CCDC158: variants seen among roughly 807,000 people sequenced by gnomAD.
CCDC158 encodes the protein coiled-coil domain-containing protein 158.
Under a neutral mutation model 138.6 loss-of-function variants are expected in CCDC158, and 116 were observed. The ratio of observed to expected loss-of-function variants is 0.84; its 90% CI spans 0.72 to 0.98. The LOEUF (loss-of-function observed/expected upper bound fraction) is 0.98, where lower values mean the gene tolerates loss of function less well. Among genes scored for constraint, CCDC158 ranks in the 50% least tolerant of loss-of-function variants. The probability of loss-of-function intolerance (pLI) is 0.00; values close to 1 mark genes in which losing one functional copy is unlikely to be tolerated. For synonymous variants in CCDC158, 436 were observed against 442.4 expected, an observed-to-expected ratio of 0.99 and a Z score of 0.18; for missense variants, 1,265 against 1,306.1, an observed-to-expected ratio of 0.97 and a Z score of 0.48.
intron 1 of CCDC158, among the ~76,000 whole-genome samples, chr4:76,412,872 C>T (rs1275915886): frequency 6.6e-6 from 1 of 152,174 alleles, no homozygotes; most frequent in Non-Finnish European, 1.5e-5. Flanking sequence ...TTGGCACTAT[C>T]AAGATAATGT....
rs1726620480 is a variant in CCDC158 at position 76,384,673 on chromosome 4, A to G, written c.289-8T>C. The G allele has an allele frequency of 1.3e-6, 2 of 1,592,604 alleles. No individual in the cohort carries two copies. The highest frequency in any genetic ancestry group is 2.7e-5 in the African/African-American group (2 of 74,238). On this transcript the variant is annotated splice_polypyrimidine_tract_variant and splice_region_variant and intron_variant, in intron 4 of 24. Coordinates refer to ENST00000682701, the MANE Select transcript of CCDC158 (RefSeq NM_001394954.1). ...CTCATGCAATTCATTGCTCTGAAAAAAAAAGCCATGCAAATTAATCTTCAT... is the reference window on the plus strand; with the variant it reads ...CTCATGCAATTCATTGCTCTGAAAAGAAAAGCCATGCAAATTAATCTTCAT...
At chr4:76,389,112 A>C (rs1121625) in intron 4 of CCDC158, among the ~76,000 whole-genome samples, 4,449 of 152,194 alleles carry the variant, frequency 0.029, 216 homozygotes, top group African/African-American at 0.1. Flanking sequence ...AAATGAACTA[A>C]GTAAGGTACC....
chr4:76,391,085 A>G (rs1297579689), intron 4 of CCDC158, among the ~76,000 whole-genome samples: 1 of 152,014 alleles, frequency 6.6e-6, no homozygotes, highest in Non-Finnish European at 1.5e-5. Context: ...CAGACAGAAA[A>G]TCAACAAAGA....
chr4:76,367,447 C>T lies in CCDC158; in HGVS notation c.1677G>A (p.Glu559=). The part of the protein sequence containing the change: ...ECEALKLQMT[E]KDKVIEILRQ... Reference sequence around the variant, plus strand: ...GCAGAATCTCGATCACCTTGTCCTTCTCTGTCATCTGCAGTTTGAGGGCCT... The same window carrying T: ...GCAGAATCTCGATCACCTTGTCCTTTTCTGTCATCTGCAGTTTGAGGGCCT... Residue 559 remains glutamate, a synonymous_variant, in exon 12 of 25, where the codon GAG becomes GAA. Coordinates refer to ENST00000682701, the MANE Select transcript of CCDC158 (RefSeq NM_001394954.1). 1.2e-6 allele frequency: 2 copies of T among 1,614,258 alleles called. No individual in the cohort carries two copies. Among genetic ancestry groups the T allele is most frequent in the Non-Finnish European group, 1.7e-6 (2 of 1,180,046 alleles).
intron 8 of CCDC158, 31 bp downstream of exon 8, chr4:76,382,579 G>T: frequency 8.0e-7 from 1 of 1,255,594 alleles, no homozygotes; most frequent in Non-Finnish European, 1.2e-6. Flanking sequence ...TTAAAATGAA[G>T]ATGAATGACT....
intron 24 of CCDC158, among the ~76,000 whole-genome samples, 160 bp downstream of exon 24, chr4:76,323,142 T>C (rs964766413): frequency 6.6e-6 from 1 of 152,186 alleles, no homozygotes; most frequent in Admixed American, 6.5e-5. Flanking sequence ...ACACAATTAA[T>C]CCAGGGGCTA....
intron 12 of CCDC158, 102 bp from the exon 13 acceptor site, chr4:76,362,417 C>A: frequency 1.4e-6 from 1 of 735,976 alleles, no homozygotes; most frequent in South Asian, 2.4e-5. Flanking sequence ...TGACAACAGT[C>A]TCCTACTTAA....
intron 9 of CCDC158, among the ~76,000 whole-genome samples, chr4:76,373,055 G>C (rs1275250872): frequency 6.6e-6 from 1 of 152,118 alleles, no homozygotes; most frequent in Admixed American, 6.5e-5. Flanking sequence ...CGCCATGTTG[G>C]CCAGGCTGGT....
At chr4:76,388,520 A>G (rs1213787846) in intron 4 of CCDC158, among the ~76,000 whole-genome samples, 1 of 152,224 alleles carries the variant, frequency 6.6e-6, no homozygotes, top group African/African-American at 2.4e-5. Context: ...AAGGGGAGGA[A>G]AGAATGGGAC....
intron 4 of CCDC158, among the ~76,000 whole-genome samples, chr4:76,385,381 G>T (rs548613854): frequency 6.6e-6 from 1 of 152,166 alleles, no homozygotes. Context: ...GAAAGATAAT[G>T]CAAGGAAAAG....
intron 18 of CCDC158, among the ~76,000 whole-genome samples, chr4:76,348,367 G>C (rs966862287): frequency 6.7e-6 from 1 of 150,264 alleles, no homozygotes; most frequent in Non-Finnish European, 1.5e-5. Flanking sequence ...CCCGGAAGGC[G>C]GAGCTTGTGG....
At position 76,354,083 on chromosome 4, in the gene CCDC158, T is replaced by C. The variant is rs137875753; in HGVS notation, c.2287-802A>G. ...GGAAAGAGGAATTAATTGTATAGGC[T>C]TTCTCCTTTTTGTTTGGAGGGAATA... On this transcript the variant is annotated intron_variant, in intron 15 of 24. Transcript: ENST00000682701. 2.7e-3 allele frequency among the ~76,000 whole-genome samples: 418 copies of C among 152,050 alleles called. 2 individuals are homozygous for C. Among genetic ancestry groups the C allele is most frequent in the African/African-American group, 9.1e-3 (379 of 41,502 alleles).
chr4:76,408,441 G>GT (rs540873189), intron 2 of CCDC158, among the ~76,000 whole-genome samples: 4,434 of 152,028 alleles, frequency 0.029, 219 homozygotes, highest in African/African-American at 0.1. Context: ...GCGGTGTTTG[G>GT]TTTTTTGTCC....
intron 12 of CCDC158, among the ~76,000 whole-genome samples, chr4:76,363,087 G>A (rs1724308678): frequency 1.3e-5 from 2 of 152,190 alleles, no homozygotes; most frequent in Admixed American, 1.3e-4. Context: ...GTGGCTCAGT[G>A]TGCCTAAACT....
At chr4:76,392,334 A>G (rs1207684227) in intron 4 of CCDC158, among the ~76,000 whole-genome samples, 1 of 152,102 alleles carries the variant, frequency 6.6e-6, no homozygotes, top group Non-Finnish European at 1.5e-5. Flanking sequence ...AAATCAATCA[A>G]TGTGATACAT....
At chr4:76,385,757 C>T (rs28687022) in intron 4 of CCDC158, among the ~76,000 whole-genome samples, 4,481 of 151,940 alleles carry the variant, frequency 0.029, 221 homozygotes, top group African/African-American at 0.1. Context: ...CATCTACAGA[C>T]GAACAGGTCT....
In CCDC158 at chr4:76,313,145, C is replaced by T. The variant is rs1398475827; in HGVS notation, c.*25G>A. On this transcript the variant is annotated 3_prime_UTR_variant, in exon 25 of 25. Coordinates refer to ENST00000682701, the MANE Select transcript of CCDC158 (RefSeq NM_001394954.1). ...CCACAATTAATTGGGCCTCATTCCT[C>T]TGTAAAGAATAGGCAAGCAACGAGT... The T allele has an allele frequency of 2.4e-5, 36 of 1,490,504 alleles. No individual in the cohort carries two copies. The highest frequency in any genetic ancestry group is 3.3e-5 in the Non-Finnish European group (36 of 1,083,566). The allele number at this position is 1,490,504 out of a possible 1,614,324, so 92.3% of individuals were successfully genotyped here. A position where few individuals can be genotyped will look rare whatever the true frequency, so the allele number is the denominator to read the frequency against.
Position 76,383,547 on chromosome 4 carries a change from C to T in CCDC158, c.803+115G>A, listed in dbSNP as rs199497623. On this transcript the variant is annotated intron_variant, in intron 7 of 24. Transcript: ENST00000682701. Reference sequence around the variant, plus strand: ...ATGTTAACATGAGTTTCCTATAAACCTATAAAAAAACTTATGTGTTTCAGA... The same window carrying T: ...ATGTTAACATGAGTTTCCTATAAACTTATAAAAAAACTTATGTGTTTCAGA... 1.5e-4 allele frequency: 108 copies of T among 713,140 alleles called. No homozygotes were observed. The East Asian group carries it at 2.7e-3, about 18-fold the overall frequency. The allele number at this position is 713,140 out of a possible 1,614,324, so 44.2% of individuals were successfully genotyped here.
chr4:76,387,886 G>A (rs1314386810), intron 4 of CCDC158, among the ~76,000 whole-genome samples: 2 of 150,766 alleles, frequency 1.3e-5, no homozygotes, highest in African/African-American at 4.9e-5. Context: ...GGTGGCACAT[G>A]CCTGTAGTCC....
Sources: gnomAD v4.1 joint callset for allele counts (sites outside exome capture counted in the v4.1 genomes callset) on GRCh38, gnomAD v4.1.1 for gene constraint, MANE v1.5 for transcripts, NCBI Gene and HGNC (gene_info 2026-07-23, HGNC 2026-07-21) for gene names.